USP2: variants seen among roughly 807,000 people sequenced by gnomAD.
USP2 encodes the protein ubiquitin specific peptidase 2, also known as ubiquitin carboxyl-terminal hydrolase 2.
USP2 carries 33 observed loss-of-function variants against 72.0 expected under a neutral mutation model. That is an observed-to-expected ratio of 0.46 (90% CI 0.35 to 0.61). USP2 has a LOEUF of 0.61. Ranked by LOEUF, USP2 falls within the 20% of genes least tolerant of loss-of-function variation. USP2 has a pLI of 0.01. For missense variants in USP2, 691 were observed against 797.8 expected (o/e 0.87, Z 1.61); for synonymous variants, 296 against 312.5 (o/e 0.95, Z 0.56).
chr11:119,373,220 C>T lies in USP2; in HGVS notation c.261G>A (p.Gly87=). 2 of 1,614,072 alleles carry T rather than the reference C, an allele frequency of 1.2e-6. No homozygotes were observed. The highest frequency in any genetic ancestry group is 1.7e-6 in the Non-Finnish European group (2 of 1,179,980). Residue 87 remains glycine (G), a synonymous_variant, in exon 2 of 13, where the codon GGG becomes GGA. Coordinates refer to ENST00000260187, the MANE Select transcript of USP2 (RefSeq NM_004205.5). The part of the protein sequence containing the change: ...GRPLLRPDIT[G]GGKRAESQTR... ...TCTGGCTCTCTGCCCGCTTACCACCCCCAGTGATGTCGGGTCTCAGCAGGG... is the reference window on the plus strand; with the variant it reads ...TCTGGCTCTCTGCCCGCTTACCACCTCCAGTGATGTCGGGTCTCAGCAGGG...
chr11:119,380,561 C>T (rs377533523), intron 1 of USP2, among the ~76,000 whole-genome samples: 1 of 152,114 alleles, frequency 6.6e-6, no homozygotes, highest in Admixed American at 6.5e-5. Flanking sequence ...TGTCTGCTCC[C>T]AGGACGTTTC....
chr11:119,360,047 C>A, intron 3 of USP2, 137 bp downstream of exon 3: 3 of 1,100,552 alleles, frequency 2.7e-6, no homozygotes, highest in Non-Finnish European at 4.0e-6. Flanking sequence ...CTGTGAAACA[C>A]CAGCCAGGAA....
intron 1 of USP2, among the ~76,000 whole-genome samples, chr11:119,374,485 A>G (rs569775331): frequency 1.3e-5 from 2 of 152,320 alleles, no homozygotes; most frequent in South Asian, 2.1e-4. Context: ...ATTTTAATCT[A>G]TCTGTTATAC....
At chr11:119,367,973 T>TGGA (rs1186622044) in intron 2 of USP2, among the ~76,000 whole-genome samples, 1 of 151,404 alleles carries the variant, frequency 6.6e-6, no homozygotes, top group Non-Finnish European at 1.5e-5. Context: ...GGAGTGGGGG[T>TGGA]GGAGGAGGAG....
chr11:119,364,199 C>A, intron 2 of USP2: 2 of 1,158,496 alleles, frequency 1.7e-6, no homozygotes, highest in Non-Finnish European at 2.1e-6. Context: ...CTCTCGCGCT[C>A]CGGCCGACTG....
chr11:119,356,744 G>T lies in USP2; in HGVS notation c.*91C>A. The T allele has an allele frequency of 1.6e-6, 2 of 1,267,606 alleles. No homozygotes were observed. The highest frequency in any genetic ancestry group is 2.2e-6 in the Non-Finnish European group (2 of 921,222). 78.5% of individuals were successfully genotyped at this position (1,267,606 alleles called of 1,614,324 possible). A position where few individuals can be genotyped will look rare whatever the true frequency, so the allele number is the denominator to read the frequency against. On this transcript the variant is annotated 3_prime_UTR_variant, in exon 13 of 13. Coordinates refer to ENST00000260187, the MANE Select transcript of USP2 (RefSeq NM_004205.5). ...TTTGTTTTTCTCTTGTCAGGTTTGT[G>T]TGTTGTTGTTGTTGTTTTGTTTTTG...
At chr11:119,374,318 G>C (rs962226783) in intron 1 of USP2, among the ~76,000 whole-genome samples, 1 of 152,186 alleles carries the variant, frequency 6.6e-6, no homozygotes, top group Non-Finnish European at 1.5e-5. Flanking sequence ...TGGTCCTGGC[G>C]ATGCTTGTGC....
chr11:119,366,672 T>C (rs1294550718), intron 2 of USP2, among the ~76,000 whole-genome samples: 7 of 152,140 alleles, frequency 4.6e-5, no homozygotes, highest in Non-Finnish European at 1.0e-4. Context: ...CAGGCTCTGC[T>C]AGGAATCCTG....
In USP2 at chr11:119,358,081, A is replaced by C; in HGVS notation, c.1342-20T>G. 1 of 1,614,230 alleles carries C rather than the reference A, an allele frequency of 6.2e-7. No homozygotes were observed. The highest frequency in any genetic ancestry group is 8.5e-7 in the Non-Finnish European group (1 of 1,180,046). Reference sequence around the variant, plus strand: ...ACCTCGCTGGGAAGGGGAAAAAAGCAAAGGTCAGAGGTCAACATGAAAGGA... The same window carrying C: ...ACCTCGCTGGGAAGGGGAAAAAAGCCAAGGTCAGAGGTCAACATGAAAGGA... On this transcript the variant is annotated intron_variant, in intron 8 of 12. Coordinates refer to ENST00000260187, the MANE Select transcript of USP2 (RefSeq NM_004205.5).
intron 2 of USP2, among the ~76,000 whole-genome samples, chr11:119,371,920 C>T (rs1950932918): frequency 6.6e-6 from 1 of 152,134 alleles, no homozygotes; most frequent in Admixed American, 6.5e-5. Context: ...CTTTTTCCTC[C>T]TCTGAGAGCT....
chr11:119,364,989 G>C (rs548405937), intron 2 of USP2, among the ~76,000 whole-genome samples: 1 of 152,294 alleles, frequency 6.6e-6, no homozygotes, highest in South Asian at 2.1e-4. Context: ...GCTGGCATGG[G>C]GCGAGTGTTC....
At chr11:119,364,913 C>A (rs1441741509) in intron 2 of USP2, among the ~76,000 whole-genome samples, 1 of 152,168 alleles carries the variant, frequency 6.6e-6, no homozygotes, top group Non-Finnish European at 1.5e-5. Context: ...CTCTCCCATT[C>A]TCAAATTTGA....
intron 1 of USP2, among the ~76,000 whole-genome samples, chr11:119,375,198 C>T (rs778782063): frequency 1.3e-5 from 2 of 152,236 alleles, no homozygotes; most frequent in Non-Finnish European, 2.9e-5. Context: ...CCCATTAGGG[C>T]AGAGAGGAGC....
intron 2 of USP2, among the ~76,000 whole-genome samples, chr11:119,371,489 G>C (rs1192978275): frequency 1.3e-5 from 2 of 152,138 alleles, no homozygotes; most frequent in African/African-American, 4.8e-5. Context: ...GGAGGCACCA[G>C]CGTTTCTATC....
chr11:119,373,428 G>A lies in USP2; in HGVS notation c.53C>T (p.Thr18Ile). The A allele has an allele frequency of 6.2e-7, 1 of 1,602,902 alleles. No homozygotes were observed. The change falls in exon 2 of 13, where the codon ACA becomes ATA. Residue 18 changes from threonine to isoleucine, a missense_variant. Transcript: ENST00000260187. The stretch of plus-strand genomic sequence containing the variant: ...GCCCGACTTGGCATAGTGGGCATCT[G>A]TGTAGCGGGCCGATTCTGTGTAGCG... ...LKRYTESARY[T>I]DAHYAKSGYG...
At chr11:119,368,203 C>T (rs549207842) in intron 2 of USP2, among the ~76,000 whole-genome samples, 176 of 152,332 alleles carry the variant, frequency 1.2e-3, no homozygotes, top group African/African-American at 4.1e-3. Flanking sequence ...CCTTTAGTGA[C>T]CTTCTCATGC....
In USP2 at chr11:119,381,468, C is replaced by T. The variant is rs1340615538; in HGVS notation, c.-42+5G>A. The T allele has an allele frequency of 2.6e-6, 4 of 1,536,112 alleles. No individual in the cohort carries two copies. In the Admixed American group the frequency reaches 7.8e-5, roughly 30 times the overall value. ...CCTCCCGGATCCCCGACAGGTGGCACGTACCTGCCTCTTCTTGGAGTATGG... is the reference window on the plus strand; with the variant it reads ...CCTCCCGGATCCCCGACAGGTGGCATGTACCTGCCTCTTCTTGGAGTATGG... On this transcript the variant is annotated splice_donor_5th_base_variant and intron_variant, in intron 1 of 12. Coordinates refer to ENST00000260187, the MANE Select transcript of USP2 (RefSeq NM_004205.5).
In USP2 at chr11:119,359,352, G is replaced by A. The variant is rs755108891; in HGVS notation, c.950-10C>T. 2 of 1,609,884 alleles carry A rather than the reference G, an allele frequency of 1.2e-6. No individual in the cohort carries two copies. Among genetic ancestry groups the A allele is most frequent in the Non-Finnish European group, 1.7e-6 (2 of 1,176,980 alleles). ...ATTAGTTTTGCAAACTCTATTGGAA[G>A]GAGAGAGTGTACAGGACAGCTGAGA... On this transcript the variant is annotated splice_polypyrimidine_tract_variant and intron_variant, in intron 4 of 12. Transcript: ENST00000260187.
chr11:119,363,899 G>A (rs1950806896), intron 2 of USP2: 20 of 1,380,032 alleles, frequency 1.4e-5, no homozygotes, highest in Non-Finnish European at 1.9e-5. Flanking sequence ...AGCAGGGACG[G>A]GGAGAGAGGG....
Sources: gnomAD v4.1 joint callset for allele counts (sites outside exome capture counted in the v4.1 genomes callset) on GRCh38, gnomAD v4.1.1 for gene constraint, MANE v1.5 for transcripts, NCBI Gene and HGNC (gene_info 2026-07-23, HGNC 2026-07-21) for gene names.